The following ABCB5 variants were observed in gnomAD, a reference collection of about 807,000 sequenced individuals.
ABCB5 encodes the protein ATP-binding cassette sub-family B member 5.
In ABCB5, 155 loss-of-function variants were observed where a neutral mutation model predicts 144.2. The ratio of observed to expected loss-of-function variants is 1.08; its 90% confidence interval spans 0.94 to 1.23. ABCB5 has a LOEUF of 1.23. Among genes scored for constraint, ABCB5 ranks in the 50% most tolerant of loss-of-function variants. The pLI, the probability that ABCB5 is intolerant of heterozygous loss-of-function variation, is 0.00. For missense variants in ABCB5, 1,830 were observed against 1,520.8 expected (o/e 1.20, Z -3.38); for synonymous variants, 610 against 528.6 (o/e 1.15, Z -2.11).
chr7:20,673,477 T>C (rs971888562), intron 14 of ABCB5, among the ~76,000 whole-genome samples: 1 of 152,080 alleles, frequency 6.6e-6, no homozygotes, highest in Non-Finnish European at 1.5e-5. Context: ...ATTGTTATGT[T>C]CTCTTGATGA....
chr7:20,628,930 T>C (rs1783970308), intron 4 of ABCB5, 92 bp downstream of exon 4: 1 of 1,393,506 alleles, frequency 7.2e-7, no homozygotes, highest in African/African-American at 1.4e-5. Context: ...GATTATTGTA[T>C]TGTAAAACAG....
intron 9 of ABCB5, among the ~76,000 whole-genome samples, chr7:20,646,613 C>G (rs993919880): frequency 6.6e-6 from 1 of 152,212 alleles, no homozygotes; most frequent in African/African-American, 2.4e-5. Context: ...ATAGCTCTGT[C>G]CAGTATCACA....
At chr7:20,708,342 T>TA (rs34531463) in intron 20 of ABCB5, among the ~76,000 whole-genome samples, 1 of 152,020 alleles carries the variant, frequency 6.6e-6, no homozygotes, top group Non-Finnish European at 1.5e-5. Context: ...ACGGCTCTTT[T>TA]AAAAAAAGTT....
At chr7:20,699,686 G>A (rs1438834440) in intron 17 of ABCB5, 139 bp from the exon 18 acceptor site, 25 of 547,868 alleles carry the variant, frequency 4.6e-5, no homozygotes, top group Middle Eastern at 5.2e-4. Context: ...CAGCCTGGGC[G>A]ACAGAGCAAG....
intron 1 of ABCB5, among the ~76,000 whole-genome samples, chr7:20,617,913 A>C (rs1344892333): frequency 6.6e-6 from 1 of 152,216 alleles, no homozygotes; most frequent in African/African-American, 2.4e-5. Flanking sequence ...CACCAAGAAG[A>C]TATAACAACT....
At chr7:20,620,619 A>G (rs1039743863) in intron 1 of ABCB5, among the ~76,000 whole-genome samples, 3 of 152,116 alleles carry the variant, frequency 2.0e-5, no homozygotes, top group Non-Finnish European at 2.9e-5. Flanking sequence ...AAGATATACA[A>G]ATGAGCAGTA....
At chr7:20,652,176 G>A (rs1784616315) in intron 13 of ABCB5, among the ~76,000 whole-genome samples, 1 of 152,172 alleles carries the variant, frequency 6.6e-6, no homozygotes, top group Non-Finnish European at 1.5e-5. Flanking sequence ...GCTGAGAGTG[G>A]GAAAGTCATA....
chr7:20,723,493 G>A (rs1178240025), intron 21 of ABCB5, among the ~76,000 whole-genome samples: 1 of 152,184 alleles, frequency 6.6e-6, no homozygotes, highest in Non-Finnish European at 1.5e-5. Flanking sequence ...GCTAACAAAC[G>A]TGTGATATGA....
At chr7:20,725,868 T>G (rs923711857) in intron 21 of ABCB5, among the ~76,000 whole-genome samples, 3 of 152,166 alleles carry the variant, frequency 2.0e-5, no homozygotes, top group Admixed American at 1.3e-4. Context: ...TTAATGAGAA[T>G]TTAAAACAAC....
intron 1 of ABCB5, among the ~76,000 whole-genome samples, chr7:20,619,486 G>A (rs111423359): frequency 0.012 from 1,857 of 152,230 alleles, 37 homozygotes; most frequent in African/African-American, 0.041. Flanking sequence ...GTCTTCTCTT[G>A]AGAAGTGTTT....
chr7:20,670,774 T>C, intron 14 of ABCB5, among the ~76,000 whole-genome samples: 1 of 152,190 alleles, frequency 6.6e-6, no homozygotes, highest in Non-Finnish European at 1.5e-5. Context: ...GCAGGCGTGG[T>C]GGCACATGCC....
chr7:20,667,184 T>C, intron 14 of ABCB5: 1 of 888,900 alleles, frequency 1.1e-6, no homozygotes. Context: ...TACAAATTCA[T>C]GCTATAATAA....
At chr7:20,643,085 C>A in intron 5 of ABCB5, 99 bp from the exon 6 acceptor site, 1 of 993,602 alleles carries the variant, frequency 1.0e-6, no homozygotes, top group Non-Finnish European at 1.5e-6. Context: ...CTAGTTCTAG[C>A]ATAAATTTCC....
intron 23 of ABCB5, among the ~76,000 whole-genome samples, chr7:20,736,647 G>A (rs1349245555): frequency 6.6e-6 from 1 of 152,232 alleles, no homozygotes; most frequent in Non-Finnish European, 1.5e-5. Context: ...CCAGTTAGGT[G>A]TTCAGTTCAA....
At position 20,716,598 on chromosome 7, in the gene ABCB5, A is replaced by G. The variant is rs1781681477; in HGVS notation, c.2422-6418A>G. The stretch of plus-strand genomic sequence containing the variant: ...AAGCATTACCATATAGTTTTCATGG[A>G]CACACTTATATGCATTAATAAACAT... On this transcript the variant is annotated intron_variant, in intron 20 of 27. Transcript: ENST00000404938. Among the ~76,000 whole-genome samples the G allele has an allele frequency of 2.0e-5, 3 of 152,158 alleles. No individual in the cohort carries two copies. The South Asian group carries it at 6.2e-4, about 32-fold the overall frequency.
At chr7:20,645,930 T>G (rs1378394468) in intron 8 of ABCB5, 31 bp from the exon 9 acceptor site, 2 of 1,612,366 alleles carry the variant, frequency 1.2e-6, no homozygotes, top group Non-Finnish European at 1.7e-6. Context: ...TTTTCCCCAG[T>G]GGCTACTAAG....
At chr7:20,626,678 A>G (rs1322468184) in intron 3 of ABCB5, 67 bp downstream of exon 3, 1 of 1,295,622 alleles carries the variant, frequency 7.7e-7, no homozygotes, top group Non-Finnish European at 1.0e-6. Context: ...AGTGCATAGA[A>G]GATTGTGTTT....
intron 27 of ABCB5, among the ~76,000 whole-genome samples, chr7:20,754,575 C>T (rs563704583): frequency 5.5e-4 from 84 of 152,302 alleles, no homozygotes; most frequent in South Asian, 1.9e-3. Context: ...CTCTATATAG[C>T]GTCATAACCT....
intron 14 of ABCB5, among the ~76,000 whole-genome samples, chr7:20,666,096 G>A (rs538320906): frequency 5.3e-5 from 8 of 151,982 alleles, no homozygotes; most frequent in Non-Finnish European, 4.4e-5. Context: ...CTTGAACCCA[G>A]GAGGTGGAGG....
Sources: gnomAD v4.1 joint callset for allele counts (sites outside exome capture counted in the v4.1 genomes callset) on GRCh38, gnomAD v4.1.1 for gene constraint, MANE v1.5 for transcripts, NCBI Gene and HGNC (gene_info 2026-07-23, HGNC 2026-07-21) for gene names.